The following TMPRSS15 variants were observed in gnomAD, a reference collection of about 807,000 sequenced individuals.
TMPRSS15 encodes transmembrane serine protease 15.
A neutral mutation model predicts 125.3 loss-of-function variants in TMPRSS15; 128 were observed. The observed-to-expected ratio is 1.02, with a 90% CI of 0.89 to 1.18. TMPRSS15 has a LOEUF of 1.18. Among genes scored for constraint, TMPRSS15 ranks in the 50% most tolerant of loss-of-function variants. TMPRSS15 has a pLI of 0.00. For missense variants in TMPRSS15, 1,283 were observed against 1,212.7 expected (o/e 1.06, Z -0.86); for synonymous variants, 446 against 423.2 (o/e 1.05, Z -0.66).
chr21:18,479,530 T>C (rs1302749994), intron 1 of TMPRSS15, among the ~76,000 whole-genome samples: 1 of 151,716 alleles, frequency 6.6e-6, no homozygotes, highest in Non-Finnish European at 1.5e-5. Context: ...AAGAAAAATA[T>C]GTTATTTACA....
At chr21:18,272,936 CT>C (rs2074577465) in intron 24 of TMPRSS15, among the ~76,000 whole-genome samples, 1 of 152,084 alleles carries the variant, frequency 6.6e-6, no homozygotes, top group African/African-American at 2.4e-5. Context: ...ACTTCTCATA[CT>C]TTAGTGTGCA....
intron 1 of TMPRSS15, among the ~76,000 whole-genome samples, chr21:18,431,478 T>C (rs1367067296): frequency 6.6e-6 from 1 of 152,202 alleles, no homozygotes; most frequent in Non-Finnish European, 1.5e-5. Flanking sequence ...TTCTTTTCTT[T>C]CTTTGTCTTT....
chr21:18,272,447 G>A (rs1276051990), intron 24 of TMPRSS15, among the ~76,000 whole-genome samples: 1 of 152,042 alleles, frequency 6.6e-6, no homozygotes, highest in Non-Finnish European at 1.5e-5. Context: ...CATGGGACCC[G>A]GTGCGGTGGC....
At chr21:18,314,309 G>A (rs889905467) in intron 17 of TMPRSS15, among the ~76,000 whole-genome samples, 9 of 151,958 alleles carry the variant, frequency 5.9e-5, no homozygotes, top group Admixed American at 3.9e-4. Flanking sequence ...ATGGAGTTTC[G>A]CTCTTGTAAC....
intron 1 of TMPRSS15, among the ~76,000 whole-genome samples, chr21:18,430,735 G>A (rs1266533647): frequency 1.3e-5 from 2 of 152,112 alleles, no homozygotes; most frequent in Non-Finnish European, 2.9e-5. Flanking sequence ...GTAATCATGA[G>A]ACACAGGGAA....
intron 1 of TMPRSS15, among the ~76,000 whole-genome samples, chr21:18,479,314 A>G (rs372186016): frequency 1.2e-3 from 184 of 152,106 alleles, no homozygotes; most frequent in South Asian, 0.011. Context: ...TTAATGTCAA[A>G]TGTGGCATAT....
chr21:18,445,039 T>C (rs994109368), intron 1 of TMPRSS15, among the ~76,000 whole-genome samples: 2 of 152,166 alleles, frequency 1.3e-5, no homozygotes, highest in South Asian at 4.1e-4. Context: ...AACAAGCTAA[T>C]GTTTCTCTTT....
chr21:18,428,106 T>C (rs189071381), intron 1 of TMPRSS15, among the ~76,000 whole-genome samples: 8 of 152,326 alleles, frequency 5.3e-5, no homozygotes, highest in African/African-American at 1.9e-4. Flanking sequence ...ATTATTGATA[T>C]TACTTAACAA....
At chr21:18,338,908 A>T (rs1308794272) in intron 13 of TMPRSS15, among the ~76,000 whole-genome samples, 1 of 152,064 alleles carries the variant, frequency 6.6e-6, no homozygotes, top group Non-Finnish European at 1.5e-5. Context: ...ATTCCATGAG[A>T]ATGTATGGTA....
At chr21:18,438,246 T>C (rs1243627191) in intron 1 of TMPRSS15, among the ~76,000 whole-genome samples, 1 of 145,640 alleles carries the variant, frequency 6.9e-6, no homozygotes, top group African/African-American at 2.6e-5. Flanking sequence ...AAACACCGCA[T>C]ATTCTCACTC....
At chr21:18,319,763 T>G (rs1276601925) in intron 16 of TMPRSS15, among the ~76,000 whole-genome samples, 1 of 152,178 alleles carries the variant, frequency 6.6e-6, no homozygotes, top group Non-Finnish European at 1.5e-5. Context: ...TTTTACTCCA[T>G]GTGCTAGTTG....
intron 10 of TMPRSS15, among the ~76,000 whole-genome samples, chr21:18,350,555 C>G (rs1470000352): frequency 3.9e-5 from 6 of 152,082 alleles, no homozygotes; most frequent in Non-Finnish European, 1.5e-5. Flanking sequence ...TTCCCTCTGC[C>G]TGGAATAATC....
chr21:18,477,055 G>A (rs556739697), intron 1 of TMPRSS15, among the ~76,000 whole-genome samples: 4 of 152,130 alleles, frequency 2.6e-5, no homozygotes, highest in East Asian at 1.9e-4. Context: ...TCTGAAAAGC[G>A]CTTATCTGAC....
rs1354477561 is a variant in TMPRSS15 at position 18,291,146 on chromosome 21, C to G, written c.2486+3124G>C. ...TTGCAGCATCTTATTGTTGTCCTGA[C>G]AAGCAAGATAGATATCCTTATGAGC... On this transcript the variant is annotated intron_variant, in intron 21 of 24. Coordinates refer to ENST00000284885, the MANE Select transcript of TMPRSS15 (RefSeq NM_002772.3). 3.3e-5 allele frequency among the ~76,000 whole-genome samples: 5 copies of G among 152,172 alleles called. No individual in the cohort carries two copies. The East Asian group carries it at 9.6e-4, about 29-fold the overall frequency.
intron 24 of TMPRSS15, among the ~76,000 whole-genome samples, chr21:18,270,908 GT>G (rs970766083): frequency 2.0e-5 from 3 of 151,976 alleles, no homozygotes; most frequent in African/African-American, 7.3e-5. Context: ...TGATTAATTT[GT>G]TTTTTATATT....
Position 18,294,711 on chromosome 21 carries a change from C to T in TMPRSS15, c.2262-59G>A, listed in dbSNP as rs540161109. 23 of 1,434,148 alleles carry T rather than the reference C, an allele frequency of 1.6e-5. No homozygotes were observed. In the South Asian group the frequency reaches 2.0e-4, roughly 12 times the overall value. The allele number at this position is 1,434,148 out of a possible 1,614,324, so 88.8% of individuals were successfully genotyped here. A position where few individuals can be genotyped will look rare whatever the true frequency, so the allele number is the denominator to read the frequency against. On this transcript the variant is annotated intron_variant, in intron 19 of 24. Transcript: ENST00000284885. ...ATGCATTTAATATTTTCAAGTCAAA[C>T]ATCATATAGGTTATCCTACTTTTGC...
chr21:18,368,184 C>T (rs1164145961), intron 6 of TMPRSS15, among the ~76,000 whole-genome samples: 2 of 152,162 alleles, frequency 1.3e-5, no homozygotes, highest in East Asian at 1.9e-4. Context: ...AAATTTTAGT[C>T]ATTTTTCCCA....
chr21:18,406,299 T>G (rs908504929), upstream of TMPRSS15, among the ~76,000 whole-genome samples: 1 of 152,146 alleles, frequency 6.6e-6, no homozygotes, highest in African/African-American at 2.4e-5. Context: ...TGCTCATTGG[T>G]TGAGGTTAGC....
At position 18,353,718 on chromosome 21, in the gene TMPRSS15, C is replaced by G; in HGVS notation, c.1021+5G>C. ...TTAAAAAGCCAAAAAATAAATAATA[C>G]TTACTATTAAGCTCACTGCTGTTAA... On this transcript the variant is annotated splice_donor_5th_base_variant and intron_variant, in intron 9 of 24. Transcript: ENST00000284885. 1.2e-6 allele frequency: 2 copies of G among 1,607,484 alleles called. No individual in the cohort carries two copies. The highest frequency in any genetic ancestry group is 1.7e-6 in the Non-Finnish European group (2 of 1,176,606).
Sources: allele counts gnomAD v4.1 joint callset (sites outside exome capture counted in the v4.1 genomes callset), GRCh38; gene constraint gnomAD v4.1.1; transcripts MANE v1.5; gene names NCBI Gene and HGNC (gene_info 2026-07-23, HGNC 2026-07-21).